The following DENND2C variants were observed in gnomAD, a reference collection of about 807,000 sequenced individuals.
DENND2C encodes the protein DENN domain containing 2C.
A neutral mutation model predicts 112.4 loss-of-function variants in DENND2C; 72 were observed. The observed-to-expected ratio is 0.64, with a 90% confidence interval of 0.53 to 0.78. The LOEUF (loss-of-function observed/expected upper bound fraction) is 0.78. Ranked by LOEUF, DENND2C falls within the 30% of genes least tolerant of loss-of-function variation. The probability of loss-of-function intolerance (pLI) is 0.00; values close to 1 mark genes in which losing one functional copy is unlikely to be tolerated. For synonymous variants in DENND2C, 329 were observed against 381.6 expected (o/e 0.86, Z 1.61); for missense variants, 992 against 1,113.8 (o/e 0.89, Z 1.56).
At chr1:114,596,514 G>A (rs1372395528) in intron 16 of DENND2C, among the ~76,000 whole-genome samples, 1 of 152,206 alleles carries the variant, frequency 6.6e-6, no homozygotes, top group Non-Finnish European at 1.5e-5. Context: ...TTTTAGGTGT[G>A]ATAATGGTAT....
rs1473505491 is a variant in DENND2C, at chr1:114,600,209, G to T, written c.2100C>A (p.Ser700Arg). ...LERRVIFVAN[S>R]LSTLSKCGHA... Reference sequence around the variant, plus strand: ...ATATTTCACTTATTTCTTACCTTAGGCTGTTGGCAACAAAGATTACCCTAC... The same window carrying T: ...ATATTTCACTTATTTCTTACCTTAGTCTGTTGGCAACAAAGATTACCCTAC... Residue 700 changes from serine (S) to arginine (R), a missense_variant, in exon 15 of 21, where the codon AGC becomes AGA. Transcript: ENST00000393274. 6.2e-7 allele frequency: 1 copy of T among 1,613,782 alleles called. No homozygotes were observed. Among genetic ancestry groups the T allele is most frequent in the Admixed American group, 1.7e-5 (1 of 59,944 alleles).
chr1:114,586,910 T>C, intron 20 of DENND2C: 1 of 156,178 alleles, frequency 6.4e-6, no homozygotes, highest in East Asian at 1.9e-4. Flanking sequence ...TTTTTTTTTT[T>C]TTTTGAGACA....
chr1:114,641,301 C>G (rs1212925602), intron 3 of DENND2C, among the ~76,000 whole-genome samples: 1 of 151,292 alleles, frequency 6.6e-6, no homozygotes. Context: ...AAAAAAATCG[C>G]TTTGAACTCA....
rs113520851 is a variant in DENND2C, at chr1:114,649,537, C to T, written c.-316-3978G>A. Among the ~76,000 whole-genome samples, 859 of 152,158 alleles carry T rather than the reference C, an allele frequency of 5.6e-3. 4 individuals are homozygous for T. The highest frequency in any genetic ancestry group is 0.01 in the Non-Finnish European group (701 of 68,000). Reference sequence around the variant, plus strand: ...ATACAGAGCATCCCACCACATCTGGCTAATTTTTAATTTTTTTTTAAATAG... The same window carrying T: ...ATACAGAGCATCCCACCACATCTGGTTAATTTTTAATTTTTTTTTAAATAG... On this transcript the variant is annotated intron_variant, in intron 2 of 20. Transcript: ENST00000393274.
At chr1:114,588,001 T>C in intron 18 of DENND2C, 49 bp from the exon 19 acceptor site, 1 of 1,521,580 alleles carries the variant, frequency 6.6e-7, no homozygotes, top group South Asian at 1.2e-5. Context: ...CTCAGTTATC[T>C]GTATCTGGAA....
chr1:114,603,867 C>A (rs222499), intron 11 of DENND2C, among the ~76,000 whole-genome samples: 65,989 of 151,914 alleles, frequency 0.43, 14,725 homozygotes, highest in East Asian at 0.51. Flanking sequence ...ATATACATGT[C>A]TGTATTTGGC....
intron 3 of DENND2C, among the ~76,000 whole-genome samples, chr1:114,641,260 C>CAAAAAAAAAA (rs11316853): frequency 1.0e-5 from 1 of 99,032 alleles, no homozygotes; most frequent in African/African-American, 4.0e-5. Context: ...GATCCTTTCT[C>CAAAAAAAAAA]AAAAAAAAAA....
At chr1:114,601,114 G>A (rs139366194) in intron 13 of DENND2C, among the ~76,000 whole-genome samples, 154 bp from the exon 14 acceptor site, 1 of 152,258 alleles carries the variant, frequency 6.6e-6, no homozygotes, top group African/African-American at 2.4e-5. Flanking sequence ...AGTTAAATAA[G>A]CATCATATCT....
intron 2 of DENND2C, among the ~76,000 whole-genome samples, chr1:114,652,539 T>G (rs1476328385): frequency 1.3e-5 from 2 of 152,090 alleles, no homozygotes; most frequent in Non-Finnish European, 2.9e-5. Flanking sequence ...CCTTGGTATG[T>G]GTGGGGATTG....
rs943048267 is a variant in DENND2C at position 114,638,656 on chromosome 1, G to C, written c.-205+6792C>G. On this transcript the variant is annotated intron_variant, in intron 3 of 20. Coordinates refer to ENST00000393274, the MANE Select transcript of DENND2C (RefSeq NM_001256404.2). ...TGTGCGTCTGTAATCCCAGCTACTTGGGAGGCTGAGGTGGGAGGATTGCTT... is the reference window on the plus strand; with the variant it reads ...TGTGCGTCTGTAATCCCAGCTACTTCGGAGGCTGAGGTGGGAGGATTGCTT... Among the ~76,000 whole-genome samples the C allele has an allele frequency of 2.0e-5, 3 of 151,370 alleles. 1 individual carries two copies. The highest frequency in any genetic ancestry group is 7.3e-5 in the African/African-American group (3 of 41,174).
At chr1:114,608,641 G>A (rs1325195309) in intron 10 of DENND2C, 45 bp downstream of exon 10, 2 of 1,588,084 alleles carry the variant, frequency 1.3e-6, no homozygotes, top group Admixed American at 3.6e-5. Flanking sequence ...TGTACACAGA[G>A]ACACAGGAAC....
At chr1:114,623,251 G>C (rs1656216286) in intron 5 of DENND2C, 152 bp from the exon 6 acceptor site, 1 of 728,914 alleles carries the variant, frequency 1.4e-6, no homozygotes, top group Non-Finnish European at 2.1e-6. Context: ...AGCAATTTAA[G>C]CTTATGGGTT....
chr1:114,630,933 C>T (rs1217640216), intron 3 of DENND2C, among the ~76,000 whole-genome samples: 1 of 152,144 alleles, frequency 6.6e-6, no homozygotes, highest in Non-Finnish European at 1.5e-5. Context: ...CATGATTTAC[C>T]AGCAGGATGA....
At chr1:114,650,375 C>G (rs1405773250) in intron 2 of DENND2C, among the ~76,000 whole-genome samples, 2 of 147,814 alleles carry the variant, frequency 1.4e-5, no homozygotes, top group African/African-American at 5.0e-5. Context: ...TCAAGAATTT[C>G]AGACTATGGC....
chr1:114,612,265 T>C (rs942007289), intron 8 of DENND2C, among the ~76,000 whole-genome samples: 2 of 152,090 alleles, frequency 1.3e-5, no homozygotes, highest in Non-Finnish European at 2.9e-5. Context: ...TTGATGAAGA[T>C]TATGGGGAAA....
In DENND2C at chr1:114,623,487, G is replaced by A. The variant is rs1490380043; in HGVS notation, c.943+20C>T. 19 of 1,594,176 alleles carry A rather than the reference G, an allele frequency of 1.2e-5. No homozygotes were observed. The highest frequency in any genetic ancestry group is 1.5e-5 in the Non-Finnish European group (17 of 1,171,454). On this transcript the variant is annotated intron_variant, in intron 5 of 20. Coordinates refer to ENST00000393274, the MANE Select transcript of DENND2C (RefSeq NM_001256404.2). ...AAATATATAATCACTAAATTTAACT[G>A]CAAAGTTGTCAACACCTACATATGA...
chr1:114,647,728 C>T (rs943251103), intron 2 of DENND2C, among the ~76,000 whole-genome samples: 2 of 151,468 alleles, frequency 1.3e-5, no homozygotes, highest in South Asian at 2.1e-4. Flanking sequence ...ACCTGTATAG[C>T]ATATATTTTA....
At chr1:114,601,137 CATT>C (rs1655494098) in intron 13 of DENND2C, among the ~76,000 whole-genome samples, 177 bp from the exon 14 acceptor site, 1 of 152,094 alleles carries the variant, frequency 6.6e-6, no homozygotes, top group Admixed American at 6.6e-5. Flanking sequence ...TGGGAGGTAT[CATT>C]ATACCCTGAA....
chr1:114,603,403 C>T (rs1349236850), intron 11 of DENND2C, among the ~76,000 whole-genome samples: 1 of 151,918 alleles, frequency 6.6e-6, no homozygotes, highest in East Asian at 1.9e-4. Context: ...CCTGGGATTA[C>T]AGGCGTGAGC....
Sources: gnomAD v4.1 joint callset for allele counts (sites outside exome capture counted in the v4.1 genomes callset) on GRCh38, gnomAD v4.1.1 for gene constraint, MANE v1.5 for transcripts, NCBI Gene and HGNC (gene_info 2026-07-23, HGNC 2026-07-21) for gene names.